The following PLPP4 variants were observed in gnomAD, a reference collection of about 807,000 sequenced individuals.
PLPP4 encodes the protein phospholipid phosphatase 4.
A neutral mutation model predicts 32.2 loss-of-function variants in PLPP4; 20 were observed. The observed-to-expected ratio is 0.62, with a 90% CI of 0.44 to 0.90. The LOEUF (loss-of-function observed/expected upper bound fraction) is 0.90. Among genes scored for constraint, PLPP4 ranks in the 40% least tolerant of loss-of-function variants. The pLI is 0.00. For synonymous variants in PLPP4, 127 were observed against 133.0 expected (o/e 0.95, Z 0.31); for missense variants, 257 against 353.1 (o/e 0.73, Z 2.18).
intron 5 of PLPP4, among the ~76,000 whole-genome samples, chr10:120,562,541 A>C (rs1334837075): frequency 2.6e-5 from 4 of 152,202 alleles, no homozygotes; most frequent in Non-Finnish European, 5.9e-5. Context: ...ACGTCTGACC[A>C]ATAAGTAGGA....
intron 1 of PLPP4, among the ~76,000 whole-genome samples, chr10:120,458,622 G>A (rs1366022980): frequency 6.6e-6 from 1 of 152,080 alleles, no homozygotes; most frequent in African/African-American, 2.4e-5. Context: ...AGCTCCCCCA[G>A]ATGCAAGCAA....
intron 1 of PLPP4, among the ~76,000 whole-genome samples, chr10:120,472,542 G>T (rs1470370949): frequency 6.6e-6 from 1 of 152,014 alleles, no homozygotes; most frequent in Admixed American, 6.6e-5. Flanking sequence ...TCAGCAATTT[G>T]ATTGTGATGT....
chr10:120,474,238 C>T (rs924796619), intron 1 of PLPP4, among the ~76,000 whole-genome samples: 5 of 152,074 alleles, frequency 3.3e-5, no homozygotes, highest in African/African-American at 1.2e-4. Context: ...TTCTTTGACA[C>T]AGGTTTACAT....
At chr10:120,537,666 G>A (rs1847092484) in intron 5 of PLPP4, among the ~76,000 whole-genome samples, 1 of 152,156 alleles carries the variant, frequency 6.6e-6, no homozygotes, top group South Asian at 2.1e-4. Flanking sequence ...AATTTGCAAA[G>A]AGCATAGCTC....
chr10:120,546,556 T>C (rs1589856766), intron 5 of PLPP4, among the ~76,000 whole-genome samples: 2 of 152,270 alleles, frequency 1.3e-5, no homozygotes, highest in East Asian at 3.9e-4. Context: ...AAGAGCACAT[T>C]CTCTCTCCTC....
chr10:120,576,111 A>G (rs1485368822), intron 6 of PLPP4, among the ~76,000 whole-genome samples: 4 of 152,240 alleles, frequency 2.6e-5, no homozygotes. Flanking sequence ...CATCTGGAGC[A>G]GTGGCCTAGA....
At chr10:120,572,326 C>T (rs1848981738) in intron 5 of PLPP4, among the ~76,000 whole-genome samples, 1 of 152,256 alleles carries the variant, frequency 6.6e-6, no homozygotes, top group South Asian at 2.1e-4. Context: ...AGGGTTTCCA[C>T]AGCCCTTCCC....
intron 3 of PLPP4, among the ~76,000 whole-genome samples, chr10:120,517,694 A>T (rs1845987200): frequency 6.6e-6 from 1 of 151,830 alleles, no homozygotes; most frequent in South Asian, 2.1e-4. Flanking sequence ...TGTCCCTCCC[A>T]TTCTTTCTGC....
intron 5 of PLPP4, among the ~76,000 whole-genome samples, chr10:120,570,080 G>T (rs1274137738): frequency 2.0e-5 from 3 of 152,076 alleles, no homozygotes; most frequent in African/African-American, 7.2e-5. Flanking sequence ...TGTTGTTCTG[G>T]GGATGAAATG....
intron 2 of PLPP4, among the ~76,000 whole-genome samples, chr10:120,504,630 C>A (rs1845411980): frequency 6.6e-6 from 1 of 152,156 alleles, no homozygotes; most frequent in Admixed American, 6.5e-5. Flanking sequence ...CTAAGACGAG[C>A]TTTGAAGAGG....
intron 5 of PLPP4, among the ~76,000 whole-genome samples, chr10:120,556,164 ATATTTTCCTG>A (rs1313563879): frequency 6.6e-6 from 1 of 152,194 alleles, no homozygotes; most frequent in Non-Finnish European, 1.5e-5. Context: ...ACAAATCAGG[ATATTTTCCTG>A]TTGTCAGGCT....
intron 5 of PLPP4, among the ~76,000 whole-genome samples, chr10:120,522,658 C>T (rs1178517146): frequency 6.6e-6 from 1 of 152,140 alleles, no homozygotes; most frequent in Non-Finnish European, 1.5e-5. Context: ...ACGTTTAAGT[C>T]CCAGCCCCTG....
chr10:120,478,640 T>C (rs1844043250), intron 1 of PLPP4, among the ~76,000 whole-genome samples: 1 of 152,238 alleles, frequency 6.6e-6, no homozygotes, highest in Admixed American at 6.5e-5. Context: ...GCATACTTTC[T>C]TTACACAAGA....
intron 1 of PLPP4, among the ~76,000 whole-genome samples, chr10:120,500,974 C>T (rs145743706): frequency 6.6e-6 from 1 of 152,114 alleles, no homozygotes; most frequent in East Asian, 1.9e-4. Flanking sequence ...TGATTCCCCC[C>T]ACCCCCAGAA....
chr10:120,551,355 A>G (rs1305251915), intron 5 of PLPP4, among the ~76,000 whole-genome samples: 1 of 152,210 alleles, frequency 6.6e-6, no homozygotes, highest in Non-Finnish European at 1.5e-5. Context: ...TTATCCTACT[A>G]CCTAGCAGAT....
intron 1 of PLPP4, among the ~76,000 whole-genome samples, chr10:120,488,447 G>C (rs577863000): frequency 1.8e-4 from 27 of 152,278 alleles, no homozygotes; most frequent in African/African-American, 6.3e-4. Context: ...GATTGGCCAA[G>C]GTCAAACCCT....
At position 120,472,494 on chromosome 10, in the gene PLPP4, CTTGA is replaced by C. The variant is rs566807285; in HGVS notation, c.56+15137_56+15140del. On this transcript the variant is annotated intron_variant, in intron 1 of 6. Coordinates refer to ENST00000398250, the MANE Select transcript of PLPP4 (RefSeq NM_001030059.3). ...TTTATGAATGTAATGTGTTTTTGCT[CTTGA>C]TTGTTTTTAAAACTTTCTGTTTATG... Among the ~76,000 whole-genome samples the C allele has an allele frequency of 6.2e-4, 94 of 152,018 alleles. 1 individual carries two copies. Among genetic ancestry groups the C allele is most frequent in the Admixed American group, 5.8e-3 (88 of 15,258 alleles).
At chr10:120,488,168 A>T (rs1844550027) in intron 1 of PLPP4, among the ~76,000 whole-genome samples, 1 of 152,206 alleles carries the variant, frequency 6.6e-6, no homozygotes, top group African/African-American at 2.4e-5. Context: ...GTGATCAAAG[A>T]ACAGAAGGGC....
chr10:120,461,894 G>C (rs1476991185), intron 1 of PLPP4, among the ~76,000 whole-genome samples: 1 of 152,240 alleles, frequency 6.6e-6, no homozygotes, highest in Non-Finnish European at 1.5e-5. Context: ...CAGCAAGACA[G>C]AGGGAAACTT....
Sources: gnomAD v4.1 joint callset for allele counts (sites outside exome capture counted in the v4.1 genomes callset) on GRCh38, gnomAD v4.1.1 for gene constraint, MANE v1.5 for transcripts, NCBI Gene and HGNC (gene_info 2026-07-23, HGNC 2026-07-21) for gene names.